The following ZC3H3 variants were observed in gnomAD, a reference collection of about 807,000 sequenced individuals.
ZC3H3 encodes zinc finger CCCH-type containing 3.
A neutral mutation model predicts 77.3 loss-of-function variants in ZC3H3; 36 were observed. The observed-to-expected ratio is 0.47, with a 90% CI of 0.36 to 0.61. ZC3H3 has a LOEUF of 0.61. ZC3H3 is among the 20% of genes least tolerant of loss of function. The probability of loss-of-function intolerance (pLI) is 0.00; values close to 1 mark genes in which losing one functional copy is unlikely to be tolerated. For missense variants in ZC3H3, 1,331 were observed against 1,312.2 expected, an observed-to-expected ratio of 1.01 and a Z score of -0.22; for synonymous variants, 626 against 555.2, an observed-to-expected ratio of 1.13 and a Z score of -1.79.
intron 9 of ZC3H3, among the ~76,000 whole-genome samples, chr8:143,461,878 G>C (rs987324694): frequency 2.0e-5 from 3 of 152,044 alleles, no homozygotes; most frequent in Non-Finnish European, 4.4e-5. Context: ...CTGCGCTGTG[G>C]TGCAGCTGTA....
At chr8:143,484,198 C>T (rs537059586) in intron 4 of ZC3H3, among the ~76,000 whole-genome samples, 1 of 152,322 alleles carries the variant, frequency 6.6e-6, no homozygotes, top group Admixed American at 6.5e-5. Flanking sequence ...GGTGGAGGCT[C>T]TGTTGTGACA....
rs770479437 is a variant in ZC3H3 at position 143,440,092 on chromosome 8, C to T, written c.2764G>A (p.Gly922Arg). ...GGGGCCCGGACCCTGGGCTGGGCTCCTGGGCTCGGCGAGGACTGCAGGGAG... is the reference window on the plus strand; with the variant it reads ...GGGGCCCGGACCCTGGGCTGGGCTCTTGGGCTCGGCGAGGACTGCAGGGAG... ...FISLQSSPSP[G>R]AQPRVRAPRA... Residue 922 changes from glycine to arginine, a missense_variant, in exon 11 of 12, where the codon GGA becomes AGA. Gly to Arg is a moderately radical substitution (Grantham distance 125). Transcript: ENST00000262577. The T allele has an allele frequency of 6.2e-7, 1 of 1,600,460 alleles. No individual in the cohort carries two copies. Among genetic ancestry groups the T allele is most frequent in the South Asian group, 1.1e-5 (1 of 89,008 alleles).
intron 3 of ZC3H3, among the ~76,000 whole-genome samples, chr8:143,519,649 G>A (rs1219769252): frequency 6.6e-6 from 1 of 152,148 alleles, no homozygotes; most frequent in Non-Finnish European, 1.5e-5. Flanking sequence ...CTGTGTGCGT[G>A]CACATGCGCC....
At chr8:143,466,508 G>A (rs554465351) in intron 8 of ZC3H3, among the ~76,000 whole-genome samples, 146 of 152,338 alleles carry the variant, frequency 9.6e-4, no homozygotes, top group African/African-American at 3.2e-3. Context: ...GCTGGGAGAG[G>A]GAAAAAATGT....
intron 9 of ZC3H3, among the ~76,000 whole-genome samples, chr8:143,464,109 C>T (rs367693566): frequency 2.0e-5 from 3 of 152,396 alleles, no homozygotes; most frequent in Non-Finnish European, 2.9e-5. Context: ...CTCGCAGGCC[C>T]GGGCTGCCGC....
In ZC3H3 at chr8:143,440,920, C is replaced by A; in HGVS notation, c.2492+16G>T. 2 of 1,413,132 alleles carry A rather than the reference C, an allele frequency of 1.4e-6. No homozygotes were observed. Among genetic ancestry groups the A allele is most frequent in the South Asian group, 3.4e-5 (2 of 59,580 alleles). 87.5% of individuals were successfully genotyped at this position (1,413,132 alleles called of 1,614,324 possible). A position where few individuals can be genotyped will look rare whatever the true frequency, so the allele number is the denominator to read the frequency against. ...GCCACCCAGGCTCACATGCACAGTG[C>A]CCACTGCCCCATCACCTGGGCCCGT... On this transcript the variant is annotated intron_variant, in intron 10 of 11. Transcript: ENST00000262577.
intron 3 of ZC3H3, among the ~76,000 whole-genome samples, chr8:143,508,575 C>G (rs1009118774): frequency 6.6e-6 from 1 of 152,212 alleles, no homozygotes; most frequent in Non-Finnish European, 1.5e-5. Flanking sequence ...CCCACAGCTT[C>G]GAGGGTTGCG....
chr8:143,467,098 A>C (rs116654210), intron 8 of ZC3H3, among the ~76,000 whole-genome samples: 2 of 151,552 alleles, frequency 1.3e-5, no homozygotes, highest in African/African-American at 4.9e-5. Flanking sequence ...GCAGCCGCAG[A>C]GGGGAGAGGG....
At chr8:143,480,433 C>T (rs1487888) in intron 4 of ZC3H3, among the ~76,000 whole-genome samples, 21,069 of 152,280 alleles carry the variant, frequency 0.14, 1,969 homozygotes, top group East Asian at 0.45. Flanking sequence ...GAGCAGCCCC[C>T]GCGCCATGTC....
intron 11 of ZC3H3, among the ~76,000 whole-genome samples, chr8:143,439,211 C>A (rs1819660253): frequency 6.6e-6 from 1 of 152,006 alleles, no homozygotes; most frequent in Non-Finnish European, 1.5e-5. Flanking sequence ...TCTCGTGGGG[C>A]GGAGGGTCTG....
At chr8:143,441,884 C>G (rs1191844372) in intron 9 of ZC3H3, among the ~76,000 whole-genome samples, 1 of 152,208 alleles carries the variant, frequency 6.6e-6, no homozygotes, top group Non-Finnish European at 1.5e-5. Flanking sequence ...TCCCCCTCAC[C>G]CTGCAGAGCC....
chr8:143,518,364 C>T (rs1291228978), intron 3 of ZC3H3, among the ~76,000 whole-genome samples: 1 of 152,250 alleles, frequency 6.6e-6, no homozygotes, highest in Non-Finnish European at 1.5e-5. Context: ...GGAGACCCAG[C>T]TCCGCCATGT....
intron 3 of ZC3H3, among the ~76,000 whole-genome samples, chr8:143,515,515 C>A (rs1225447734): frequency 6.6e-6 from 1 of 152,260 alleles, no homozygotes; most frequent in Admixed American, 6.5e-5. Context: ...GCTCTCCCCA[C>A]GAACGGGCCT....
At chr8:143,456,918 T>G (rs1820138066) in intron 9 of ZC3H3, among the ~76,000 whole-genome samples, 1 of 152,138 alleles carries the variant, frequency 6.6e-6, no homozygotes, top group Admixed American at 6.5e-5. Flanking sequence ...AATTCTAATG[T>G]AAATGCACCA....
rs543534901 is a variant in ZC3H3 at position 143,466,648 on chromosome 8, G to A, written c.2176-800C>T. ...CTCCCTGCCCCTCATGGGCCACCACGGGCTCTTCCTGGGCTGCCTGGGTGT... is the reference window on the plus strand; with the variant it reads ...CTCCCTGCCCCTCATGGGCCACCACAGGCTCTTCCTGGGCTGCCTGGGTGT... On this transcript the variant is annotated intron_variant, in intron 8 of 11. Coordinates refer to ENST00000262577, the MANE Select transcript of ZC3H3 (RefSeq NM_015117.3). Among the ~76,000 whole-genome samples, 18 of 152,250 alleles carry A rather than the reference G, an allele frequency of 1.2e-4. No individual in the cohort carries two copies. The East Asian group carries it at 2.5e-3, about 21-fold the overall frequency.
intron 3 of ZC3H3, among the ~76,000 whole-genome samples, chr8:143,515,864 C>T (rs998146930): frequency 2.6e-5 from 4 of 152,242 alleles, no homozygotes; most frequent in African/African-American, 9.6e-5. Flanking sequence ...GCACCCGGAC[C>T]ACCATCTATG....
At chr8:143,439,569 C>G (rs1467898584) in intron 11 of ZC3H3, among the ~76,000 whole-genome samples, 3 of 152,224 alleles carry the variant, frequency 2.0e-5, no homozygotes, top group Non-Finnish European at 4.4e-5. Flanking sequence ...CATCTGTTCT[C>G]TCCAGGAGTG....
At chr8:143,478,168 A>T (rs922286358) in intron 4 of ZC3H3, among the ~76,000 whole-genome samples, 4 of 152,180 alleles carry the variant, frequency 2.6e-5, no homozygotes, top group Non-Finnish European at 5.9e-5. Context: ...GATGGTTGGG[A>T]GGGAGGCCCA....
chr8:143,501,195 C>T (rs1239225783), intron 4 of ZC3H3, among the ~76,000 whole-genome samples: 1 of 151,892 alleles, frequency 6.6e-6, no homozygotes, highest in Admixed American at 6.6e-5. Context: ...TGATGGAGTG[C>T]TGGGGTTTTT....
Sources: allele counts gnomAD v4.1 joint callset (sites outside exome capture counted in the v4.1 genomes callset), GRCh38; gene constraint gnomAD v4.1.1; transcripts MANE v1.5; gene names NCBI Gene and HGNC (gene_info 2026-07-23, HGNC 2026-07-21).